The following PAPPA variants were observed in gnomAD, a reference collection of about 807,000 sequenced individuals.
PAPPA encodes pappalysin-1.
Under a neutral mutation model 164.0 loss-of-function variants are expected in PAPPA, and 60 were observed. The observed-to-expected ratio is 0.37, with a 90% CI of 0.30 to 0.45. The LOEUF is 0.45. Ranked by LOEUF, PAPPA falls within the 20% of genes least tolerant of loss-of-function variation. The probability of loss-of-function intolerance (pLI) is 1.00; values close to 1 mark genes in which losing one functional copy is unlikely to be tolerated. For synonymous variants in PAPPA, 875 were observed against 814.1 expected (o/e 1.07, Z -1.27); for missense variants, 1,782 against 2,087.3 (o/e 0.85, Z 2.85).
At position 116,207,523 on chromosome 9, in the gene PAPPA, T is replaced by C. The variant is rs1158799269; in HGVS notation, c.1546T>C (p.Phe516Leu). 4 of 1,613,588 alleles carry C rather than the reference T, an allele frequency of 2.5e-6. No individual in the cohort carries two copies. Among genetic ancestry groups the C allele is most frequent in the Non-Finnish European group, 3.4e-6 (4 of 1,179,636 alleles). The change falls in exon 3 of 22, where the codon TTC becomes CTC. Residue 516 changes from phenylalanine (F) to leucine (L), a missense_variant. Phe to Leu is a conservative substitution (Grantham distance 22). Around this residue, in one of 2 missense-constraint regions of PAPPA, gnomAD observed 1,324 missense variants for 1,656.9 expected, o/e 0.80. Transcript: ENST00000328252. ...GGATGGATCAACACATCTCAATATTTTCTTTGCAAAATCCTCAGAGGAGGA... is the reference window on the plus strand; with the variant it reads ...GGATGGATCAACACATCTCAATATTCTCTTTGCAAAATCCTCAGAGGAGGA... Reference protein sequence around the residue: ...KLDGSTHLNIFFAKSSEEELA... With the variant: ...KLDGSTHLNILFAKSSEEELA...
chr9:116,396,917 G>A lies in PAPPA; in HGVS notation c.*301G>A, dbSNP rs1056628220. The A allele has an allele frequency of 1.2e-5, 5 of 415,172 alleles. No homozygotes were observed. The highest frequency in any genetic ancestry group is 3.9e-5 in the Admixed American group (1 of 25,948). 25.7% of individuals were successfully genotyped at this position (415,172 alleles called of 1,614,324 possible). On this transcript the variant is annotated 3_prime_UTR_variant, in exon 22 of 22. Transcript: ENST00000328252. ...TTGTCACACAACCACAGCAAGAAAC[G>A]TGTTCTATATCTAGAGTGTGCCCAT...
intron 17 of PAPPA, 61 bp downstream of exon 17, chr9:116,353,854 C>T (rs982974748): frequency 2.3e-6 from 3 of 1,287,910 alleles, no homozygotes; most frequent in Non-Finnish European, 3.3e-6. Context: ...TTACCAAAAA[C>T]TAGCCTGTAC....
chr9:116,203,787 T>C (rs960171873), intron 2 of PAPPA, among the ~76,000 whole-genome samples: 1 of 152,146 alleles, frequency 6.6e-6, no homozygotes, highest in Non-Finnish European at 1.5e-5. Context: ...GTGCATCACA[T>C]GTAAGCTGGA....
intron 18 of PAPPA, among the ~76,000 whole-genome samples, chr9:116,364,021 A>C (rs993664653): frequency 6.6e-6 from 1 of 152,224 alleles, no homozygotes; most frequent in Non-Finnish European, 1.5e-5. Flanking sequence ...CCAATTCATG[A>C]GATGCTGACC....
At chr9:116,344,499 C>A (rs775721099) in intron 13 of PAPPA, 44 bp from the exon 14 acceptor site, 3 of 1,585,560 alleles carry the variant, frequency 1.9e-6, no homozygotes, top group Non-Finnish European at 2.6e-6. Context: ...GCATAGCTGT[C>A]CTGTGAGGAG....
At chr9:116,277,957 C>T (rs1276080290) in intron 9 of PAPPA, among the ~76,000 whole-genome samples, 1 of 152,168 alleles carries the variant, frequency 6.6e-6, no homozygotes, top group East Asian at 1.9e-4. Flanking sequence ...CGTGAGCCAC[C>T]GTGCCTGACT....
Position 116,271,154 on chromosome 9 carries a change from C to A in PAPPA, c.2862-171C>A, listed in dbSNP as rs948259751. ...GCAAATGTGAAAGTATCTTATAAAT[C>A]CATACCTTTTAGAAATCTCATTTTG... On this transcript the variant is annotated intron_variant, in intron 8 of 21. Transcript: ENST00000328252. This position sits in a 1 kb window ranked among gnomAD's most constrained non-coding sequence, Gnocchi z 4.2. Among the ~76,000 whole-genome samples, 3 of 152,164 alleles carry A rather than the reference C, an allele frequency of 2.0e-5. No homozygotes were observed. Among genetic ancestry groups the A allele is most frequent in the Non-Finnish European group, 4.4e-5 (3 of 68,032 alleles).
At chr9:116,285,739 A>C (rs1845331063) in intron 9 of PAPPA, 1 of 152,188 alleles carries the variant, frequency 6.6e-6, no homozygotes, top group Non-Finnish European at 1.5e-5. Flanking sequence ...GACCTGCTTT[A>C]ATTCATCTGA....
chr9:116,343,886 G>A (rs997900592), intron 13 of PAPPA, among the ~76,000 whole-genome samples: 2 of 151,910 alleles, frequency 1.3e-5, no homozygotes, highest in African/African-American at 2.4e-5. Context: ...TCAACCTCCT[G>A]AGTAGCTGGG....
intron 10 of PAPPA, among the ~76,000 whole-genome samples, chr9:116,321,967 C>T (rs1030470945): frequency 3.3e-5 from 5 of 152,192 alleles, no homozygotes; most frequent in East Asian, 3.9e-4. Flanking sequence ...TTGCGTCAGA[C>T]GAGCATGAGT....
At chr9:116,182,066 G>A (rs1225942279) in intron 1 of PAPPA, among the ~76,000 whole-genome samples, 3 of 152,192 alleles carry the variant, frequency 2.0e-5, no homozygotes, top group Non-Finnish European at 2.9e-5. Flanking sequence ...CTAAGAGCCT[G>A]GGTGTGGGAA....
chr9:116,373,381 A>G (rs1846601512), intron 19 of PAPPA: 1 of 152,320 alleles, frequency 6.6e-6, no homozygotes, highest in South Asian at 2.1e-4. Context: ...TACCCTGGAA[A>G]GAAGCCAGAA....
chr9:116,190,369 T>C (rs1844026560), intron 2 of PAPPA, among the ~76,000 whole-genome samples: 1 of 152,342 alleles, frequency 6.6e-6, no homozygotes, highest in East Asian at 1.9e-4. Flanking sequence ...CAAATGTTTA[T>C]GCAGCACCTG....
At chr9:116,289,049 G>A (rs995289495) in intron 9 of PAPPA, among the ~76,000 whole-genome samples, 3 of 149,110 alleles carry the variant, frequency 2.0e-5, no homozygotes, top group Non-Finnish European at 4.4e-5. Context: ...TTTCTTTGCT[G>A]GACTCTTATG....
intron 9 of PAPPA, among the ~76,000 whole-genome samples, chr9:116,283,716 T>G (rs1845295887): frequency 6.6e-6 from 1 of 152,206 alleles, no homozygotes; most frequent in Non-Finnish European, 1.5e-5. Flanking sequence ...TTGGCAGGAC[T>G]CTGAAAGGTC....
intron 9 of PAPPA, among the ~76,000 whole-genome samples, chr9:116,274,825 C>T (rs1054200511): frequency 6.6e-6 from 1 of 152,182 alleles, no homozygotes; most frequent in Non-Finnish European, 1.5e-5. Context: ...GTATATACAA[C>T]CTAGGCTTTC....
At chr9:116,273,349 G>C (rs1288600745) in intron 9 of PAPPA, among the ~76,000 whole-genome samples, 2 of 152,164 alleles carry the variant, frequency 1.3e-5, no homozygotes, top group Non-Finnish European at 2.9e-5. Context: ...TGTAAATAAA[G>C]ATTTATTGGA....
chr9:116,207,234 C>G (rs1844246972), intron 2 of PAPPA, among the ~76,000 whole-genome samples: 1 of 152,092 alleles, frequency 6.6e-6, no homozygotes, highest in African/African-American at 2.4e-5. Context: ...TCATAAGAAG[C>G]CTAACAACTT....
chr9:116,188,726 A>G (rs181547084), intron 2 of PAPPA, among the ~76,000 whole-genome samples: 10 of 152,316 alleles, frequency 6.6e-5, no homozygotes, highest in African/African-American at 2.4e-4. Flanking sequence ...GTCATCACAG[A>G]AAGTTCTGGT....
Sources: gnomAD v4.1 joint callset for allele counts (sites outside exome capture counted in the v4.1 genomes callset) on GRCh38, gnomAD v4.1.1 for gene constraint, gnomAD v4.1.1 regional missense constraint, Gnocchi (gnomAD v3.1) non-coding constraint, MANE v1.5 for transcripts, NCBI Gene and HGNC (gene_info 2026-07-23, HGNC 2026-07-21) for gene names.